Variants in FBXL7 observed in about 807,000 individuals in gnomAD.
FBXL7 encodes F-box and leucine rich repeat protein 7.
Under a neutral mutation model 38.3 loss-of-function variants are expected in FBXL7, and 12 were observed. The ratio of observed to expected loss-of-function variants is 0.31; its 90% CI spans 0.20 to 0.51. FBXL7 has a LOEUF of 0.51. Ranked by LOEUF, FBXL7 falls within the 20% of genes least tolerant of loss-of-function variation. FBXL7 has a pLI of 0.98. For missense variants in FBXL7, 567 were observed against 676.4 expected (o/e 0.84, Z 1.79); for synonymous variants, 297 against 300.9 (o/e 0.99, Z 0.13).
At chr5:15,537,153 G>T (rs1737610030) in intron 1 of FBXL7, among the ~76,000 whole-genome samples, 1 of 152,130 alleles carries the variant, frequency 6.6e-6, no homozygotes, top group African/African-American at 2.4e-5. Flanking sequence ...AATCTCTTTT[G>T]TTTATAAATT....
intron 2 of FBXL7, among the ~76,000 whole-genome samples, chr5:15,726,755 A>G (rs979830853): frequency 6.6e-6 from 1 of 151,814 alleles, no homozygotes; most frequent in African/African-American, 2.4e-5. Flanking sequence ...GATAGCATGT[A>G]GTTGGATCTT....
intron 2 of FBXL7, among the ~76,000 whole-genome samples, chr5:15,643,302 G>A (rs978898114): frequency 7.2e-5 from 11 of 152,156 alleles, no homozygotes; most frequent in South Asian, 4.1e-4. Flanking sequence ...CTAGCTAGAC[G>A]TGCGCATGCA....
Position 15,928,561 on chromosome 5 carries a change from G to C in FBXL7, c.739+60G>C, listed in dbSNP as rs1741957637. 1 of 1,544,872 alleles carries C rather than the reference G, an allele frequency of 6.5e-7. No homozygotes were observed. Among genetic ancestry groups the C allele is most frequent in the Admixed American group, 1.8e-5 (1 of 55,364 alleles). ...CCTGGTGCACCATCCTAAAACAGTG[G>C]GGACAGTGCCACCACCGGAGGGTCC... On this transcript the variant is annotated intron_variant, in intron 3 of 3. Transcript: ENST00000504595. This position sits in a 1 kb window ranked among gnomAD's most constrained non-coding sequence, Gnocchi z 4.0.
At chr5:15,508,422 A>G (rs1170302081) in intron 1 of FBXL7, among the ~76,000 whole-genome samples, 3 of 152,234 alleles carry the variant, frequency 2.0e-5, no homozygotes, top group Non-Finnish European at 2.9e-5. Context: ...AAGAATATAC[A>G]TAAGTTACAA....
intron 1 of FBXL7, among the ~76,000 whole-genome samples, chr5:15,546,930 A>T (rs572531761): frequency 1.3e-5 from 2 of 152,190 alleles, no homozygotes; most frequent in Non-Finnish European, 2.9e-5. Flanking sequence ...CACAAAACAA[A>T]TTGAAAGTCA....
intron 2 of FBXL7, among the ~76,000 whole-genome samples, chr5:15,896,406 A>C (rs1319641860): frequency 1.3e-5 from 2 of 152,212 alleles, no homozygotes; most frequent in African/African-American, 4.8e-5. Context: ...ATAAGCCATC[A>C]GAATGTTGAA....
chr5:15,722,082 C>G (rs1052144069), intron 2 of FBXL7, among the ~76,000 whole-genome samples: 2 of 152,186 alleles, frequency 1.3e-5, no homozygotes, highest in Non-Finnish European at 2.9e-5. Flanking sequence ...ATCTGCCCGC[C>G]TTGGCCTCCT....
intron 2 of FBXL7, among the ~76,000 whole-genome samples, chr5:15,790,954 G>A (rs1737258064): frequency 6.6e-6 from 1 of 152,046 alleles, no homozygotes; most frequent in Admixed American, 6.5e-5. Flanking sequence ...GTCATGGGAA[G>A]TCCGTGAGTA....
At chr5:15,568,166 C>T (rs376107919) in intron 1 of FBXL7, among the ~76,000 whole-genome samples, 2 of 151,618 alleles carry the variant, frequency 1.3e-5, no homozygotes, top group Admixed American at 6.6e-5. Flanking sequence ...CCTGAGGAAT[C>T]GCCACACTGA....
At chr5:15,715,489 C>CAA (rs1157372026) in intron 2 of FBXL7, among the ~76,000 whole-genome samples, 1,375 of 73,950 alleles carry the variant, frequency 0.019, 55 homozygotes, top group African/African-American at 0.06. Flanking sequence ...GACTCCGTCT[C>CAA]AAAAAAAAAA....
intron 1 of FBXL7, among the ~76,000 whole-genome samples, chr5:15,546,722 C>A (rs1032251401): frequency 5.3e-5 from 8 of 152,142 alleles, no homozygotes; most frequent in Admixed American, 1.3e-4. Context: ...CAGAGCGAGA[C>A]CCTGTCTCAA....
intron 2 of FBXL7, among the ~76,000 whole-genome samples, chr5:15,905,814 GAGGAT>G (rs924615535): frequency 6.6e-6 from 1 of 152,098 alleles, no homozygotes; most frequent in Non-Finnish European, 1.5e-5. Flanking sequence ...CAGGAATGGA[GAGGAT>G]AGGTCATAAT....
intron 2 of FBXL7, among the ~76,000 whole-genome samples, chr5:15,923,334 A>C (rs1044959333): frequency 1.3e-5 from 2 of 152,186 alleles, no homozygotes; most frequent in Admixed American, 6.5e-5. Context: ...AGGAGATAGA[A>C]ATGGTCCTTG....
At chr5:15,784,129 T>G (rs1737073450) in intron 2 of FBXL7, among the ~76,000 whole-genome samples, 1 of 152,100 alleles carries the variant, frequency 6.6e-6, no homozygotes, top group Non-Finnish European at 1.5e-5. Flanking sequence ...ATTGCTTTGG[T>G]CAAGATTATC....
chr5:15,658,905 C>CT (rs1369357343), intron 2 of FBXL7, among the ~76,000 whole-genome samples: 2 of 152,030 alleles, frequency 1.3e-5, no homozygotes, highest in Non-Finnish European at 2.9e-5. Context: ...GTCTTTACTT[C>CT]TTTTTTTGGA....
At chr5:15,550,533 ATCT>A (rs35559617) in intron 1 of FBXL7, among the ~76,000 whole-genome samples, 59,482 of 151,836 alleles carry the variant, frequency 0.39, 12,386 homozygotes, top group African/African-American at 0.53. Flanking sequence ...AGGCTGTGTC[ATCT>A]TCTTTTCTTC....
chr5:15,856,097 A>C (rs761625598), intron 2 of FBXL7, among the ~76,000 whole-genome samples: 1 of 152,208 alleles, frequency 6.6e-6, no homozygotes, highest in Non-Finnish European at 1.5e-5. Context: ...ATATACTTCC[A>C]TGTGGCTGGG....
At chr5:15,675,857 T>C (rs554661544) in intron 2 of FBXL7, among the ~76,000 whole-genome samples, 1 of 152,206 alleles carries the variant, frequency 6.6e-6, no homozygotes, top group Non-Finnish European at 1.5e-5. Flanking sequence ...TGTTATTCCT[T>C]AATTATTTTT....
At chr5:15,766,971 T>A (rs1736608121) in intron 2 of FBXL7, among the ~76,000 whole-genome samples, 1 of 152,252 alleles carries the variant, frequency 6.6e-6, no homozygotes, top group African/African-American at 2.4e-5. Flanking sequence ...TTTAAAAATC[T>A]GTAATTTTCT....
Sources: gnomAD v4.1 joint callset for allele counts (sites outside exome capture counted in the v4.1 genomes callset) on GRCh38, gnomAD v4.1.1 for gene constraint, Gnocchi (gnomAD v3.1) non-coding constraint, MANE v1.5 for transcripts, NCBI Gene and HGNC (gene_info 2026-07-23, HGNC 2026-07-21) for gene names.